The following UBE2Q1 variants were observed in gnomAD, a reference collection of about 807,000 sequenced individuals.
UBE2Q1 encodes the protein ubiquitin conjugating enzyme E2 Q1.
UBE2Q1 carries 6 observed loss-of-function variants against 60.1 expected under a neutral mutation model. The observed-to-expected ratio is 0.10, with a 90% confidence interval of 0.05 to 0.20. The LOEUF is 0.20. Among genes scored for constraint, UBE2Q1 ranks in the 10% least tolerant of loss-of-function variants. The pLI is 1.00. For missense variants in UBE2Q1, 262 were observed against 525.8 expected (o/e 0.50, Z 4.91); for synonymous variants, 226 against 208.3 (o/e 1.09, Z -0.73).
chr1:154,551,630 C>T (rs887047665), intron 10 of UBE2Q1, 138 bp from the exon 11 acceptor site: 2 of 1,446,046 alleles, frequency 1.4e-6, no homozygotes, highest in African/African-American at 2.8e-5. Context: ...ACCTGTCTGT[C>T]TAGGTCAGTG....
At chr1:154,554,681 A>T in intron 4 of UBE2Q1, 54 bp downstream of exon 4, 1 of 1,577,394 alleles carries the variant, frequency 6.3e-7, no homozygotes, top group Non-Finnish European at 8.7e-7. Flanking sequence ...ATGGGTACCA[A>T]TGTTGCTGAC....
chr1:154,552,549 G>A, intron 6 of UBE2Q1, 85 bp from the exon 7 acceptor site: 1 of 1,539,862 alleles, frequency 6.5e-7, no homozygotes, highest in Non-Finnish European at 8.9e-7. Context: ...CAGACTGAGA[G>A]AAAAAGATCA....
At chr1:154,551,248 A>G in intron 11 of UBE2Q1, 149 bp downstream of exon 11, 1 of 901,060 alleles carries the variant, frequency 1.1e-6, no homozygotes. Flanking sequence ...CAGTTGTTCC[A>G]TTGTGGGCAC....
chr1:154,552,022 T>TC, intron 8 of UBE2Q1, 43 bp from the exon 9 acceptor site: 3 of 1,613,016 alleles, frequency 1.9e-6, no homozygotes, highest in Non-Finnish European at 2.5e-6. Context: ...GAGGCCAGCA[T>TC]CCTCCACAGG....
At chr1:154,551,244 T>C in intron 11 of UBE2Q1, 153 bp downstream of exon 11, 1 of 881,226 alleles carries the variant, frequency 1.1e-6, no homozygotes, top group African/African-American at 1.7e-5. Context: ...GGCACAGTTG[T>C]TCCATTGTGG....
Position 154,550,165 on chromosome 1 carries a change from C to T in UBE2Q1, c.*273G>A, listed in dbSNP as rs541211117. ...GAGTTTCCAGCAATATAAGGAGGCT[C>T]GAAAGTTTCTTTTATAAGAATGCCT... On this transcript the variant is annotated 3_prime_UTR_variant, in exon 13 of 13. Coordinates refer to ENST00000292211, the MANE Select transcript of UBE2Q1 (RefSeq NM_017582.7). 4.4e-5 allele frequency: 20 copies of T among 456,340 alleles called. No homozygotes were observed. The highest frequency in any genetic ancestry group is 7.0e-5 in the East Asian group (2 of 28,372). The allele number at this position is 456,340 out of a possible 1,614,324, so 28.3% of individuals were successfully genotyped here. A position where few individuals can be genotyped will look rare whatever the true frequency, so the allele number is the denominator to read the frequency against.
rs1447159148 is a variant in UBE2Q1, at chr1:154,554,962, C to T, written c.538-177G>A. On this transcript the variant is annotated intron_variant, in intron 3 of 12. Transcript: ENST00000292211. Reference sequence around the variant, plus strand: ...AACAGCCCAGGGAATGGCTTTGCTACCAGCCCATTATTTTTCGCCTATCAC... The same window carrying T: ...AACAGCCCAGGGAATGGCTTTGCTATCAGCCCATTATTTTTCGCCTATCAC... 17 of 621,510 alleles carry T rather than the reference C, an allele frequency of 2.7e-5. No homozygotes were observed. The African/African-American group carries it at 2.8e-4, about 10-fold the overall frequency. 38.5% of individuals were successfully genotyped at this position (621,510 alleles called of 1,614,324 possible). A position where few individuals can be genotyped will look rare whatever the true frequency, so the allele number is the denominator to read the frequency against.
At position 154,553,057 on chromosome 1, in the gene UBE2Q1, T is replaced by C. The variant is rs1170803831; in HGVS notation, c.704A>G (p.Lys235Arg). Residue 235 changes from lysine to arginine, a missense_variant, in exon 5 of 13, where the codon AAG becomes AGG. By Grantham distance (26) the Lys-to-Arg change is conservative (BLOSUM62 2). Transcript: ENST00000292211. ...ATTTAAGTAATCTTGCCTCTGGTTC[T>C]TTTTAATTTTCTCTAGGATGGCCAA... ...ENLAILEKIK[K>R]NQRQDYLNGA... 4.3e-6 allele frequency: 7 copies of C among 1,614,044 alleles called. No homozygotes were observed. In the African/African-American group the frequency reaches 8.0e-5, roughly 18 times the overall value.
At position 154,551,888 on chromosome 1, in the gene UBE2Q1, G is replaced by A. The variant is rs1398236329; in HGVS notation, c.1025+33C>T. ...AGTCTCTTCCCCGCCCTCTGCCAGA[G>A]GAGATGCCCTCTTCCGCATGCCAGC... On this transcript the variant is annotated intron_variant, in intron 9 of 12. Coordinates refer to ENST00000292211, the MANE Select transcript of UBE2Q1 (RefSeq NM_017582.7). 4 of 1,614,192 alleles carry A rather than the reference G, an allele frequency of 2.5e-6. No homozygotes were observed. The Admixed American group carries it at 6.7e-5, about 27-fold the overall frequency.
At chr1:154,555,403 G>C (rs779773217) in intron 3 of UBE2Q1, 25 bp downstream of exon 3, 83 of 1,603,346 alleles carry the variant, frequency 5.2e-5, no homozygotes, top group Non-Finnish European at 7.0e-5. Context: ...TGCACAACAG[G>C]GCCCGAGGCT....
Position 154,550,922 on chromosome 1 carries a change from C to T in UBE2Q1, c.1237+16G>A. 6.2e-7 allele frequency: 1 copy of T among 1,614,122 alleles called. No homozygotes were observed. The highest frequency in any genetic ancestry group is 8.5e-7 in the Non-Finnish European group (1 of 1,180,010). On this transcript the variant is annotated intron_variant, in intron 12 of 12. Transcript: ENST00000292211. ...GGCAAGTGTCCGAATCTCCTGAGTC[C>T]TGGCTCCAGCCTCACCGTTTTTTTC...
intron 6 of UBE2Q1, 97 bp from the exon 7 acceptor site, chr1:154,552,561 C>T (rs992414346): frequency 6.6e-7 from 1 of 1,508,406 alleles, no homozygotes; most frequent in Non-Finnish European, 9.1e-7. Context: ...AAAAGATCAA[C>T]AGCTCTAGGT....
At chr1:154,553,503 A>T (rs886598194) in intron 4 of UBE2Q1, 3 of 213,482 alleles carry the variant, frequency 1.4e-5, no homozygotes, top group African/African-American at 6.9e-5. Flanking sequence ...TGGCAGCAGA[A>T]ACTCTTCCCT....
intron 1 of UBE2Q1, 21 bp from the exon 2 acceptor site, chr1:154,555,985 A>G: frequency 6.2e-7 from 1 of 1,609,072 alleles, no homozygotes; most frequent in Non-Finnish European, 8.5e-7. Context: ...AAGAGCAATA[A>G]GAGCAATCAA....
At position 154,551,294 on chromosome 1, in the gene UBE2Q1, G is replaced by C. The variant is rs185994150; in HGVS notation, c.1170+103C>G. 1.8e-4 allele frequency: 226 copies of C among 1,234,870 alleles called. No homozygotes were observed. The East Asian group carries it at 4.3e-3, about 24-fold the overall frequency. 76.5% of individuals were successfully genotyped at this position (1,234,870 alleles called of 1,614,324 possible). A position where few individuals can be genotyped will look rare whatever the true frequency, so the allele number is the denominator to read the frequency against. On this transcript the variant is annotated intron_variant, in intron 11 of 12. Transcript: ENST00000292211. ...CTCATCCAATGCCACCAGCCCGGGG[G>C]CCTTATGCTCATTCCTCTAAAGAAG...
At position 154,551,823 on chromosome 1, in the gene UBE2Q1, CATGAGAAAG is replaced by C; in HGVS notation, c.1026-13_1026-5del. Reference sequence around the variant, plus strand: ...GGCCCCTCCGCCCAGAACATACCTGCATGAGAAAGGTTAGTCAGCTGTGCCTGACAAAAT... The same window carrying C: ...GGCCCCTCCGCCCAGAACATACCTGCGTTAGTCAGCTGTGCCTGACAAAAT... On this transcript the variant is annotated splice_region_variant and splice_polypyrimidine_tract_variant and intron_variant, in intron 9 of 12. Transcript: ENST00000292211. 1 of 1,614,238 alleles carries C rather than the reference CATGAGAAAG, an allele frequency of 6.2e-7. No individual in the cohort carries two copies. The highest frequency in any genetic ancestry group is 8.5e-7 in the Non-Finnish European group (1 of 1,180,036).
Position 154,550,582 on chromosome 1 carries a change from C to T in UBE2Q1, c.1238-113G>A, listed in dbSNP as rs543408341. 1.1e-4 allele frequency: 165 copies of T among 1,564,212 alleles called. No homozygotes were observed. In the African/African-American group the frequency reaches 2.0e-3, roughly 19 times the overall value. On this transcript the variant is annotated intron_variant, in intron 12 of 12. Transcript: ENST00000292211. The stretch of plus-strand genomic sequence containing the variant: ...AGAGATAAGAGGATATTGGGGAGGG[C>T]TATGCTGTGTGGGGAGAGGTGTATG...
At position 154,558,578 on chromosome 1, in the gene UBE2Q1, C is replaced by T; in HGVS notation, c.-25G>A. 9.8e-7 allele frequency: 1 copy of T among 1,017,688 alleles called. No homozygotes were observed. Among genetic ancestry groups the T allele is most frequent in the Non-Finnish European group, 1.2e-6 (1 of 855,640 alleles). The allele number at this position is 1,017,688 out of a possible 1,614,324, so 63.0% of individuals were successfully genotyped here. On this transcript the variant is annotated 5_prime_UTR_variant, in exon 1 of 13. Coordinates refer to ENST00000292211, the MANE Select transcript of UBE2Q1 (RefSeq NM_017582.7). ...TCCTCCGCTCCGCTCCGCTCCGGGGCCGGCGGGCCGGGAGCCTCCGGCCTG... is the reference window on the plus strand; with the variant it reads ...TCCTCCGCTCCGCTCCGCTCCGGGGTCGGCGGGCCGGGAGCCTCCGGCCTG...
intron 6 of UBE2Q1, 126 bp downstream of exon 6, chr1:154,552,610 G>T: frequency 1.4e-6 from 2 of 1,422,058 alleles, no homozygotes; most frequent in South Asian, 2.6e-5. Flanking sequence ...ACTGGCTTGA[G>T]GAGCTCCATT....
Sources: gnomAD v4.1 joint callset for allele counts on GRCh38, gnomAD v4.1.1 for gene constraint, MANE v1.5 for transcripts, NCBI Gene and HGNC (gene_info 2026-07-23, HGNC 2026-07-21) for gene names.